Variants in CRACD observed in about 807,000 individuals in gnomAD.
CRACD encodes the protein capping protein-inhibiting regulator of actin dynamics.
A neutral mutation model predicts 106.8 loss-of-function variants in CRACD; 56 were observed. The ratio of observed to expected loss-of-function variants is 0.52; its 90% CI spans 0.42 to 0.66. The LOEUF (loss-of-function observed/expected upper bound fraction) is 0.66. CRACD is among the 30% of genes least tolerant of loss of function. The pLI is 0.00. For synonymous variants in CRACD, 754 were observed against 670.8 expected (o/e 1.12, Z -1.92); for missense variants, 1,730 against 1,623.2 (o/e 1.07, Z -1.13).
At chr4:56,163,044 C>T (rs1736012237) in intron 1 of CRACD, among the ~76,000 whole-genome samples, 1 of 152,142 alleles carries the variant, frequency 6.6e-6, no homozygotes, top group Non-Finnish European at 1.5e-5. Flanking sequence ...CTACATGTGA[C>T]CAATGGGCTG....
intron 1 of CRACD, among the ~76,000 whole-genome samples, chr4:56,122,574 G>A (rs1280406612): frequency 6.6e-6 from 1 of 152,090 alleles, no homozygotes; most frequent in Non-Finnish European, 1.5e-5. Flanking sequence ...ATTATGCACT[G>A]TTACTAGGTG....
At chr4:56,296,011 A>C (rs1744005052) in intron 3 of CRACD, among the ~76,000 whole-genome samples, 1 of 152,098 alleles carries the variant, frequency 6.6e-6, no homozygotes, top group African/African-American at 2.4e-5. Flanking sequence ...GCCCTGGGTT[A>C]TTTAGCTGAA....
intron 2 of CRACD, among the ~76,000 whole-genome samples, chr4:56,204,217 A>C (rs1383179258): frequency 2.0e-5 from 3 of 152,264 alleles, no homozygotes; most frequent in African/African-American, 7.2e-5. Context: ...TGGAGTGGCC[A>C]GATTGCTGAG....
chr4:56,093,984 C>T (rs897722145), intron 1 of CRACD, among the ~76,000 whole-genome samples: 1 of 152,116 alleles, frequency 6.6e-6, no homozygotes, highest in African/African-American at 2.4e-5. Flanking sequence ...AAATTGTTAT[C>T]ACTTGGATGA....
At chr4:56,326,092 A>G (rs1345366093) in intron 10 of CRACD, among the ~76,000 whole-genome samples, 1 of 152,158 alleles carries the variant, frequency 6.6e-6, no homozygotes, top group Non-Finnish European at 1.5e-5. Flanking sequence ...TTGTATTTTT[A>G]GCAGAGACAG....
Position 56,315,552 on chromosome 4 carries a change from C to T in CRACD, c.2050C>T (p.Arg684Cys), listed in dbSNP as rs773754483. Residue 684 changes from arginine to cysteine, a missense_variant, in exon 8 of 11, where the codon CGC becomes TGC. Arg to Cys is a radical substitution (Grantham distance 180, BLOSUM62 -3). Transcript: ENST00000682029. The surrounding 1 kb of genome is among the most constrained non-coding windows in gnomAD (Gnocchi z 4.1). ...RILKNAESDP[R>C]SSERDQLRPG... Reference sequence around the variant, plus strand: ...CCTGAAGAACGCAGAGAGTGACCCGCGCAGCAGCGAGAGGGACCAGTTGAG... The same window carrying T: ...CCTGAAGAACGCAGAGAGTGACCCGTGCAGCAGCGAGAGGGACCAGTTGAG... 39 of 1,613,990 alleles carry T rather than the reference C, an allele frequency of 2.4e-5. No homozygotes were observed. The highest frequency in any genetic ancestry group is 1.6e-4 in the Middle Eastern group (1 of 6,084).
chr4:56,121,588 G>A (rs1734485288), intron 1 of CRACD, among the ~76,000 whole-genome samples: 1 of 152,032 alleles, frequency 6.6e-6, no homozygotes. Flanking sequence ...AGAGTGCAGT[G>A]AGCCACTACT....
chr4:56,287,335 T>C (rs1253885223), intron 3 of CRACD, among the ~76,000 whole-genome samples: 1 of 151,508 alleles, frequency 6.6e-6, no homozygotes, highest in Non-Finnish European at 1.5e-5. Flanking sequence ...CAGGCTGGAG[T>C]GCAGTGGCAT....
At chr4:56,165,631 AGGGAATAAC>A (rs1214470181) in intron 1 of CRACD, among the ~76,000 whole-genome samples, 1 of 152,202 alleles carries the variant, frequency 6.6e-6, no homozygotes, top group Non-Finnish European at 1.5e-5. Flanking sequence ...TTCATGCATT[AGGGAATAAC>A]TTTAAGGTTA....
At chr4:56,324,026 C>T in intron 9 of CRACD, 78 bp from the exon 10 acceptor site, 1 of 1,476,788 alleles carries the variant, frequency 6.8e-7, no homozygotes, top group Non-Finnish European at 9.2e-7. Flanking sequence ...CAGGCAGAGG[C>T]CCCGAAGGCC....
intron 1 of CRACD, among the ~76,000 whole-genome samples, chr4:56,082,622 A>G (rs1322354547): frequency 6.6e-6 from 1 of 152,206 alleles, no homozygotes; most frequent in African/African-American, 2.4e-5. Flanking sequence ...ACAGAACTCA[A>G]AGATGACTTC....
At chr4:56,221,102 T>C (rs933087443) in intron 2 of CRACD, among the ~76,000 whole-genome samples, 15 of 152,254 alleles carry the variant, frequency 9.9e-5, no homozygotes, top group African/African-American at 3.6e-4. Context: ...ATGTTGAATA[T>C]TGTGCCAAGC....
At chr4:56,112,190 CA>C (rs1734142269) in intron 1 of CRACD, among the ~76,000 whole-genome samples, 1 of 152,106 alleles carries the variant, frequency 6.6e-6, no homozygotes, top group Admixed American at 6.5e-5. Flanking sequence ...TTGCTTCGTG[CA>C]ACGAAGCCAA....
rs534964298 is a variant in CRACD at position 56,132,277 on chromosome 4, C to T, written c.-335-47007C>T. 5.3e-5 allele frequency among the ~76,000 whole-genome samples: 8 copies of T among 151,992 alleles called. No individual in the cohort carries two copies. In the East Asian group the frequency reaches 5.8e-4, roughly 11 times the overall value. On this transcript the variant is annotated intron_variant, in intron 1 of 10. Transcript: ENST00000682029. ...CTGGTCTCGAACTTCTGGGGTCAAG[C>T]GACCCGCCCACCTTGGCCTCTCAAA... is the stretch of plus-strand genomic sequence containing the variant.
rs199742202 is a variant in CRACD at position 56,316,501 on chromosome 4, C to T, written c.2999C>T (p.Pro1000Leu). 12 of 1,613,658 alleles carry T rather than the reference C, an allele frequency of 7.4e-6. No homozygotes were observed. The highest frequency in any genetic ancestry group is 1.0e-5 in the Non-Finnish European group (12 of 1,179,772). The change falls in exon 8 of 11, where the codon CCA becomes CTA. Residue 1000 changes from proline to leucine, a missense_variant. Physicochemically the swap from Pro to Leu is moderately conservative, Grantham distance 98. Coordinates refer to ENST00000682029, the MANE Select transcript of CRACD (RefSeq NM_001393381.1). ...SRRAGRPDPE[P>L]SEPSKEDQES... Reference sequence around the variant, plus strand: ...CGAGCGGGGAGGCCGGACCCAGAGCCAAGTGAGCCGTCCAAGGAGGACCAG... The same window carrying T: ...CGAGCGGGGAGGCCGGACCCAGAGCTAAGTGAGCCGTCCAAGGAGGACCAG...
At chr4:56,158,871 GA>G (rs1477589774) in intron 1 of CRACD, among the ~76,000 whole-genome samples, 1 of 152,352 alleles carries the variant, frequency 6.6e-6, no homozygotes, top group East Asian at 1.9e-4. Context: ...GAACTCCAGA[GA>G]AATACAAGCC....
At chr4:56,179,203 G>A (rs1736710967) in intron 1 of CRACD, 81 bp from the exon 2 acceptor site, 1 of 152,008 alleles carries the variant, frequency 6.6e-6, no homozygotes, top group African/African-American at 2.4e-5. Context: ...GCCAAGGATT[G>A]GAAAAGAGAT....
chr4:56,077,077 T>G (rs1732863776), intron 1 of CRACD, among the ~76,000 whole-genome samples: 1 of 152,168 alleles, frequency 6.6e-6, no homozygotes, highest in Non-Finnish European at 1.5e-5. Context: ...ATTTGAACAG[T>G]GTGATATTAG....
At chr4:56,298,753 C>G (rs1027956232) in intron 4 of CRACD, among the ~76,000 whole-genome samples, 1 of 151,872 alleles carries the variant, frequency 6.6e-6, no homozygotes, top group Non-Finnish European at 1.5e-5. Context: ...GGCAACATGG[C>G]GAAACACTGT....
Sources: gnomAD v4.1 joint callset for allele counts (sites outside exome capture counted in the v4.1 genomes callset) on GRCh38, gnomAD v4.1.1 for gene constraint, Gnocchi (gnomAD v3.1) non-coding constraint, MANE v1.5 for transcripts, NCBI Gene and HGNC (gene_info 2026-07-23, HGNC 2026-07-21) for gene names.